OGN: variants seen among roughly 807,000 people sequenced by gnomAD.
OGN encodes mimecan.
A neutral mutation model predicts 30.8 loss-of-function variants in OGN; 19 were observed. That is an observed-to-expected ratio of 0.62 (90% CI 0.43 to 0.90). OGN has a LOEUF of 0.90. Among genes scored for constraint, OGN ranks in the 40% least tolerant of loss-of-function variants. The pLI is 0.00. For missense variants in OGN, 283 were observed against 349.7 expected (o/e 0.81, Z 1.52); for synonymous variants, 126 against 128.3 (o/e 0.98, Z 0.12).
intron 4 of OGN, among the ~76,000 whole-genome samples, chr9:92,392,615 G>A (rs866950136): frequency 6.6e-5 from 10 of 151,628 alleles, no homozygotes; most frequent in Admixed American, 1.3e-4. Context: ...ACTCCATGTC[G>A]GGTTGGGGGG....
chr9:92,400,767 G>T (rs866895514), intron 3 of OGN, among the ~76,000 whole-genome samples: 1 of 152,110 alleles, frequency 6.6e-6, no homozygotes, highest in African/African-American at 2.4e-5. Flanking sequence ...TATATTTACC[G>T]TATACTGAGG....
At chr9:92,389,304 T>C (rs1424495309) in intron 5 of OGN, among the ~76,000 whole-genome samples, 1 of 152,216 alleles carries the variant, frequency 6.6e-6, no homozygotes, top group Non-Finnish European at 1.5e-5. Context: ...TCCTACATAA[T>C]ATTTGCTTGA....
chr9:92,392,692 G>T (rs1204349387), intron 4 of OGN, among the ~76,000 whole-genome samples: 4 of 152,162 alleles, frequency 2.6e-5, no homozygotes, highest in African/African-American at 9.7e-5. Context: ...AGAGCCATTA[G>T]TTAAAGTAAG....
At chr9:92,394,503 G>A (rs1010983629) in intron 3 of OGN, among the ~76,000 whole-genome samples, 1 of 149,974 alleles carries the variant, frequency 6.7e-6, no homozygotes, top group East Asian at 2.0e-4. Context: ...TGCCTGCCTC[G>A]GTCTCCCAAA....
chr9:92,392,517 A>G (rs2130901411), intron 4 of OGN, among the ~76,000 whole-genome samples: 1 of 152,078 alleles, frequency 6.6e-6, no homozygotes, highest in Non-Finnish European at 1.5e-5. Context: ...TGAGAGGCTG[A>G]GACAGGAGAG....
At chr9:92,396,467 C>G (rs1178290436) in intron 3 of OGN, among the ~76,000 whole-genome samples, 2 of 151,858 alleles carry the variant, frequency 1.3e-5, no homozygotes, top group Admixed American at 6.6e-5. Context: ...ATTGAATCTT[C>G]TAGACCTCGA....
In OGN at chr9:92,385,792, T is replaced by C. The variant is rs750857725; in HGVS notation, c.727-2A>G. ...TGTAATTGAAGCTATGTTGTTGAAC[T>C]GAAAAAAAACGAGGAAAACATTGTT... On this transcript the variant is annotated splice_acceptor_variant, in intron 6 of 6. Coordinates refer to ENST00000375561, the MANE Select transcript of OGN (RefSeq NM_014057.5). LOFTEE classifies it high-confidence loss of function. 6.2e-7 allele frequency: 1 copy of C among 1,612,286 alleles called. No individual in the cohort carries two copies. The highest frequency in any genetic ancestry group is 1.7e-5 in the Admixed American group (1 of 59,520).
At chr9:92,400,627 A>G (rs1241319197) in intron 3 of OGN, among the ~76,000 whole-genome samples, 1 of 152,254 alleles carries the variant, frequency 6.6e-6, no homozygotes, top group Non-Finnish European at 1.5e-5. Context: ...TAAGCCAAGT[A>G]CACAGGAATT....
chr9:92,403,392 A>G lies in OGN; in HGVS notation c.16T>C (p.Ser6Pro), dbSNP rs1431669886. MKTLQ[S>P]TLLLLLLVPL... is the part of the protein sequence containing the mutation. ...ACAAGCAGTAACAGGAGAAGTGTAG[A>G]CTGCAGAGTCTTCATTTTAGCAAAA... Residue 6 changes from serine (S) to proline (P), a missense_variant, in exon 2 of 7, where the codon TCT (serine) becomes CCT (proline). Ser to Pro is a moderately conservative substitution (Grantham distance 74). Coordinates refer to ENST00000375561, the MANE Select transcript of OGN (RefSeq NM_014057.5). 6.2e-7 allele frequency: 1 copy of G among 1,606,306 alleles called. No homozygotes were observed. The highest frequency in any genetic ancestry group is 2.2e-5 in the East Asian group (1 of 44,712).
chr9:92,403,679 A>G (rs985449934), intron 1 of OGN, 197 bp from the exon 2 acceptor site: 2 of 1,034,438 alleles, frequency 1.9e-6, no homozygotes, highest in South Asian at 9.4e-5. Flanking sequence ...TCAGAAATTC[A>G]AGAAAGATTG....
chr9:92,385,849 T>C lies in OGN; in HGVS notation c.727-59A>G, dbSNP rs1842397765. The stretch of plus-strand genomic sequence containing the variant: ...TCTGAAATCAACCTTTCATATGCTA[T>C]ATAATGGGTAAAGGAAACCTAAGTC... On this transcript the variant is annotated intron_variant, in intron 6 of 6. Coordinates refer to ENST00000375561, the MANE Select transcript of OGN (RefSeq NM_014057.5). The C allele has an allele frequency of 1.1e-5, 17 of 1,551,524 alleles. No individual in the cohort carries two copies. The South Asian group carries it at 1.2e-4, about 11-fold the overall frequency.
At position 92,404,490 on chromosome 9, in the gene OGN, G is replaced by T. The variant is rs745538020; in HGVS notation, c.-76+6C>A. ...ATTTAAAATAATATATGAAAAGTAA[G>T]CCTACCGTTGTAGCTGTTTTGAAGT... On this transcript the variant is annotated splice_donor_region_variant and intron_variant, in intron 1 of 6. Transcript: ENST00000375561. The T allele has an allele frequency of 7.8e-7, 1 of 1,280,898 alleles. No individual in the cohort carries two copies. Among genetic ancestry groups the T allele is most frequent in the South Asian group, 1.3e-5 (1 of 74,372 alleles). The allele number at this position is 1,280,898 out of a possible 1,614,324, so 79.3% of individuals were successfully genotyped here.
intron 3 of OGN, among the ~76,000 whole-genome samples, chr9:92,393,554 G>C (rs947467990): frequency 3.3e-5 from 5 of 152,114 alleles, no homozygotes. Flanking sequence ...ACATGAGCTT[G>C]ACTTATTAAG....
chr9:92,401,225 G>T, intron 2 of OGN, 40 bp from the exon 3 acceptor site: 1 of 888,146 alleles, frequency 1.1e-6, no homozygotes, highest in Non-Finnish European at 1.9e-6. Flanking sequence ...GCTTCATTAA[G>T]TCTGTGTTTC....
chr9:92,403,424 G>A lies in OGN; in HGVS notation c.-17C>T, dbSNP rs754259409. The A allele has an allele frequency of 6.3e-7, 1 of 1,588,556 alleles. No individual in the cohort carries two copies. Among genetic ancestry groups the A allele is most frequent in the South Asian group, 1.2e-5 (1 of 86,098 alleles). Reference sequence around the variant, plus strand: ...AGTCTTCATTTTAGCAAAAATCAAGGTGACTGGAAGTTAATAAACTAGTGG... The same window carrying A: ...AGTCTTCATTTTAGCAAAAATCAAGATGACTGGAAGTTAATAAACTAGTGG... On this transcript the variant is annotated 5_prime_UTR_variant, in exon 2 of 7. Coordinates refer to ENST00000375561, the MANE Select transcript of OGN (RefSeq NM_014057.5).
intron 3 of OGN, among the ~76,000 whole-genome samples, chr9:92,399,349 T>G (rs1843016606): frequency 1.3e-5 from 2 of 152,244 alleles, no homozygotes; most frequent in Non-Finnish European, 2.9e-5. Context: ...AATCATCTTG[T>G]GAACTGTCAT....
At chr9:92,397,072 G>A (rs1016053950) in intron 3 of OGN, among the ~76,000 whole-genome samples, 1 of 151,830 alleles carries the variant, frequency 6.6e-6, no homozygotes, top group African/African-American at 2.4e-5. Flanking sequence ...AGCTACTTGG[G>A]AGGCTGAGGC....
At position 92,384,781 on chromosome 9, in the gene OGN, T is replaced by C. The variant is rs954604122; in HGVS notation, c.*839A>G. On this transcript the variant is annotated 3_prime_UTR_variant, in exon 7 of 7. Transcript: ENST00000375561. ...TGATGAGATTCTCATTTCTGTAGTATAAAAGGAAAATATTTTGCAGTTATC... is the reference window on the plus strand; with the variant it reads ...TGATGAGATTCTCATTTCTGTAGTACAAAAGGAAAATATTTTGCAGTTATC... The C allele has an allele frequency of 6.6e-6, 1 of 152,134 alleles. No homozygotes were observed. The highest frequency in any genetic ancestry group is 1.5e-5 in the Non-Finnish European group (1 of 67,992). The allele number at this position is 152,134 out of a possible 1,614,324, so 9.4% of individuals were successfully genotyped here.
Position 92,385,494 on chromosome 9 carries a change from AATATT to A in OGN, c.*121_*125del. 2 of 815,008 alleles carry A rather than the reference AATATT, an allele frequency of 2.5e-6. No individual in the cohort carries two copies. The allele number at this position is 815,008 out of a possible 1,614,324, so 50.5% of individuals were successfully genotyped here. A position where few individuals can be genotyped will look rare whatever the true frequency, so the allele number is the denominator to read the frequency against. Reference sequence around the variant, plus strand: ...TAAGATTTTGAACATCCTTGCTTAAAATATTAAATTCCTTCAAAATGAGATACAAG... The same window carrying A: ...TAAGATTTTGAACATCCTTGCTTAAAAAATTCCTTCAAAATGAGATACAAG... On this transcript the variant is annotated 3_prime_UTR_variant, in exon 7 of 7. Coordinates refer to ENST00000375561, the MANE Select transcript of OGN (RefSeq NM_014057.5).
Sources: allele counts gnomAD v4.1 joint callset (sites outside exome capture counted in the v4.1 genomes callset), GRCh38; gene constraint gnomAD v4.1.1; transcripts MANE v1.5; gene names NCBI Gene and HGNC (gene_info 2026-07-23, HGNC 2026-07-21).